SELENOF: variants seen among roughly 807,000 people sequenced by gnomAD.
SELENOF encodes 15 kDa selenoprotein.
A neutral mutation model predicts 20.5 loss-of-function variants in SELENOF; 16 were observed. The ratio of observed to expected loss-of-function variants is 0.78; its 90% CI spans 0.53 to 1.19. The LOEUF (loss-of-function observed/expected upper bound fraction) is 1.19. Among genes scored for constraint, SELENOF ranks in the 50% most tolerant of loss-of-function variants. The probability of loss-of-function intolerance (pLI) is 0.00; values close to 1 mark genes in which losing one functional copy is unlikely to be tolerated. For synonymous variants in SELENOF, 78 were observed against 74.5 expected (o/e 1.05, Z -0.24); for missense variants, 215 against 194.2 (o/e 1.11, Z -0.64).
intron 2 of SELENOF, among the ~76,000 whole-genome samples, chr1:86,900,480 C>G (rs1010728738): frequency 6.6e-5 from 10 of 152,248 alleles, no homozygotes; most frequent in East Asian, 1.9e-4. Context: ...CGCAGGCACT[C>G]GGCAGGCTGA....
chr1:86,897,507 A>C (rs903074222), intron 2 of SELENOF, among the ~76,000 whole-genome samples: 1 of 152,162 alleles, frequency 6.6e-6, no homozygotes, highest in African/African-American at 2.4e-5. Context: ...AAATCATCTA[A>C]AGTAGAAGTG....
chr1:86,875,424 GA>G (rs1243398022), intron 3 of SELENOF, among the ~76,000 whole-genome samples: 2 of 152,180 alleles, frequency 1.3e-5, no homozygotes, highest in East Asian at 3.9e-4. Context: ...TGACTTTTAG[GA>G]AAAGATGAGA....
At chr1:86,903,583 C>T (rs909640655) in intron 1 of SELENOF, 135 bp from the exon 2 acceptor site, 6 of 632,622 alleles carry the variant, frequency 9.5e-6, no homozygotes, top group Non-Finnish European at 1.5e-5. Flanking sequence ...GAGATAAATT[C>T]TTTTAAATTT....
intron 1 of SELENOF, among the ~76,000 whole-genome samples, chr1:86,910,445 C>T (rs1387163831): frequency 6.6e-6 from 1 of 152,138 alleles, no homozygotes; most frequent in African/African-American, 2.4e-5. Context: ...GTGGCTCACG[C>T]CTGTAATCCC....
At chr1:86,907,809 C>G (rs993543026) in intron 1 of SELENOF, among the ~76,000 whole-genome samples, 2 of 152,008 alleles carry the variant, frequency 1.3e-5, no homozygotes, top group African/African-American at 4.8e-5. Context: ...CATGGTGAAA[C>G]CCCGTCTCTA....
intron 2 of SELENOF, among the ~76,000 whole-genome samples, chr1:86,881,620 T>C (rs1331747548): frequency 6.6e-6 from 1 of 152,058 alleles, no homozygotes; most frequent in Non-Finnish European, 1.5e-5. Context: ...AAACAGCATT[T>C]ACTTAATTAA....
chr1:86,874,618 C>T lies in SELENOF; in HGVS notation c.316+6044G>A, dbSNP rs543148614. ...AAAACCCAAACCCACATCTGTCCTC[C>T]TCCTTGTTCTAGAAAGAGGGTATAT... On this transcript the variant is annotated intron_variant, in intron 3 of 4. Transcript: ENST00000331835. Among the ~76,000 whole-genome samples, 854 of 151,664 alleles carry T rather than the reference C, an allele frequency of 5.6e-3. 6 individuals are homozygous for T. The highest frequency in any genetic ancestry group is 0.011 in the Non-Finnish European group (733 of 67,894).
chr1:86,874,386 TCAAA>T (rs970925372), intron 3 of SELENOF, among the ~76,000 whole-genome samples: 13 of 152,306 alleles, frequency 8.5e-5, no homozygotes, highest in African/African-American at 3.1e-4. Flanking sequence ...CTCAGAGTGA[TCAAA>T]CAAACAGAAG....
At chr1:86,898,620 C>T (rs1359940452) in intron 2 of SELENOF, among the ~76,000 whole-genome samples, 2 of 139,226 alleles carry the variant, frequency 1.4e-5, no homozygotes, top group Admixed American at 7.6e-5. Flanking sequence ...CTTGCTCTGT[C>T]GCCCAGGTTG....
intron 4 of SELENOF, 113 bp from the exon 5 acceptor site, chr1:86,863,718 T>C: frequency 1.1e-6 from 1 of 898,480 alleles, no homozygotes; most frequent in Admixed American, 3.4e-5. Context: ...AAAAAGGCTT[T>C]TAGACATGAC....
At chr1:86,914,246 C>G, upstream of SELENOF, 2 of 749,482 alleles carry the variant, frequency 2.7e-6, no homozygotes, top group Admixed American at 4.6e-5. Flanking sequence ...TAAATAACGG[C>G]ATATGAAAGC....
intron 4 of SELENOF, among the ~76,000 whole-genome samples, chr1:86,866,152 A>C (rs1009269017): frequency 6.8e-6 from 1 of 147,458 alleles, no homozygotes; most frequent in African/African-American, 2.6e-5. Context: ...AGCTGTGATC[A>C]CATCACTGCC....
chr1:86,894,899 C>T (rs1305197811), intron 2 of SELENOF, among the ~76,000 whole-genome samples: 2 of 152,138 alleles, frequency 1.3e-5, no homozygotes, highest in Non-Finnish European at 2.9e-5. Context: ...TTAAGCTCCA[C>T]TTTAACATTG....
At chr1:86,869,517 A>G (rs1311711445) in intron 3 of SELENOF, among the ~76,000 whole-genome samples, 1 of 152,192 alleles carries the variant, frequency 6.6e-6, no homozygotes, top group East Asian at 1.9e-4. Context: ...CTTAAAATAT[A>G]TAAAGTGGTT....
chr1:86,914,321 T>TC (rs1476295618), upstream of SELENOF: 2 of 587,406 alleles, frequency 3.4e-6, no homozygotes, highest in East Asian at 5.6e-5. Context: ...TTGCCTAAAC[T>TC]CCCCACTTCT....
At chr1:86,879,798 T>C (rs533296882) in intron 3 of SELENOF, among the ~76,000 whole-genome samples, 6 of 152,344 alleles carry the variant, frequency 3.9e-5, no homozygotes, top group Non-Finnish European at 5.9e-5. Context: ...CTCATTACTA[T>C]TGGATGTCAA....
chr1:86,887,038 A>G (rs1199893203), intron 2 of SELENOF: 6 of 1,157,742 alleles, frequency 5.2e-6, no homozygotes, highest in East Asian at 3.1e-5. Context: ...TGGTCAGCGA[A>G]TTCTCAGGGA....
intron 3 of SELENOF, among the ~76,000 whole-genome samples, chr1:86,879,051 G>A (rs1290905122): frequency 6.6e-6 from 1 of 151,822 alleles, no homozygotes; most frequent in Non-Finnish European, 1.5e-5. Flanking sequence ...TATATATTAC[G>A]GTAGATAATA....
At chr1:86,873,709 G>A (rs908953697) in intron 3 of SELENOF, among the ~76,000 whole-genome samples, 1 of 151,360 alleles carries the variant, frequency 6.6e-6, no homozygotes, top group African/African-American at 2.4e-5. Context: ...AAAATTAGCT[G>A]GGCGTGGTGG....
Sources: allele counts gnomAD v4.1 joint callset (sites outside exome capture counted in the v4.1 genomes callset), GRCh38; gene constraint gnomAD v4.1.1; transcripts MANE v1.5; gene names NCBI Gene and HGNC (gene_info 2026-07-23, HGNC 2026-07-21).